Variants in ZNF354A observed in about 807,000 individuals in gnomAD.
ZNF354A encodes zinc finger protein 354A, also known as epididymis luminal protein 104.
ZNF354A carries 25 observed loss-of-function variants against 53.3 expected under a neutral mutation model. The observed-to-expected ratio is 0.47, with a 90% CI of 0.34 to 0.66. ZNF354A has a LOEUF of 0.66. ZNF354A is among the 30% of genes least tolerant of loss of function. The probability of loss-of-function intolerance (pLI) is 0.01; values close to 1 mark genes in which losing one functional copy is unlikely to be tolerated. For synonymous variants in ZNF354A, 228 were observed against 249.0 expected (o/e 0.92, Z 0.79); for missense variants, 586 against 716.8 (o/e 0.82, Z 2.08).
chr5:178,718,630 T>A (rs1037165092), intron 4 of ZNF354A, among the ~76,000 whole-genome samples: 1 of 152,234 alleles, frequency 6.6e-6, no homozygotes, highest in Non-Finnish European at 1.5e-5. Flanking sequence ...CTTTTTTATA[T>A]GTTTTCCAGT....
rs914055485 is a variant in ZNF354A at position 178,712,841 on chromosome 5, C to A, written c.1037G>T (p.Arg346Ile). 7 of 1,614,022 alleles carry A rather than the reference C, an allele frequency of 4.3e-6. No individual in the cohort carries two copies. The Admixed American group carries it at 5.0e-5, about 12-fold the overall frequency. ...SCSTSLSGCQ[R>I]IHSRKKSYLC... ...GTAGGACTTCTTTCTAGAATGAATTCTTTGACATCCAGAAAGGGATGTGCT... is the reference window on the plus strand; with the variant it reads ...GTAGGACTTCTTTCTAGAATGAATTATTTGACATCCAGAAAGGGATGTGCT... The change falls in exon 5 of 5, where the codon AGA (arginine) becomes ATA (isoleucine). Residue 346 changes from arginine to isoleucine, a missense_variant. Coordinates refer to ENST00000335815, the MANE Select transcript of ZNF354A (RefSeq NM_005649.3).
chr5:178,729,872 G>GCTTCTTTTTTTTTTTTT lies in ZNF354A; in HGVS notation c.-52+683_-52+684insAAAAAAAAAAAAAGAAG, dbSNP rs746292908. On this transcript the variant is annotated intron_variant, in intron 1 of 4. Coordinates refer to ENST00000335815, the MANE Select transcript of ZNF354A (RefSeq NM_005649.3). ...CCATGTATCCCATTTCTAACACGAT[G>GCTTCTTTTTTTTTTTTT]TTTCTTTTTTGAGACGGAGTCTCGC... Among the ~76,000 whole-genome samples, 34 of 143,404 alleles carry GCTTCTTTTTTTTTTTTT rather than the reference G, an allele frequency of 2.4e-4. 3 individuals carry two copies. Among genetic ancestry groups the GCTTCTTTTTTTTTTTTT allele is most frequent in the East Asian group, 4.2e-4 (2 of 4,760 alleles). 94.1% of individuals were successfully genotyped at this position (143,404 alleles called of 152,430 possible). A position where few individuals can be genotyped will look rare whatever the true frequency, so the allele number is the denominator to read the frequency against.
Position 178,712,396 on chromosome 5 carries a change from A to G in ZNF354A, c.1482T>C (p.Tyr494=), listed in dbSNP as rs1561614815. The change falls in exon 5 of 5, where the codon TAT becomes TAC. Residue 494 remains tyrosine, a synonymous_variant. Coordinates refer to ENST00000335815, the MANE Select transcript of ZNF354A (RefSeq NM_005649.3). ...ATGTTTTCCCACACTCGTTACATTT[A>G]TAGGGTCTTTCTCCAGTATGCATTC... ...HQRMHTGERP[Y]KCNECGKTFR... 2.5e-6 allele frequency: 4 copies of G among 1,613,800 alleles called. No homozygotes were observed. The East Asian group carries it at 6.7e-5, about 27-fold the overall frequency.
At chr5:178,723,361 C>T (rs957005213) in intron 4 of ZNF354A, among the ~76,000 whole-genome samples, 1 of 152,168 alleles carries the variant, frequency 6.6e-6, no homozygotes, top group Non-Finnish European at 1.5e-5. Flanking sequence ...CAGAAAGCAG[C>T]CTAGGCCTGC....
chr5:178,724,585 A>G (rs1237235384), intron 4 of ZNF354A, among the ~76,000 whole-genome samples: 1 of 152,204 alleles, frequency 6.6e-6, no homozygotes, highest in Non-Finnish European at 1.5e-5. Flanking sequence ...TTCAAATCAC[A>G]TAAGAACGTC....
intron 2 of ZNF354A, among the ~76,000 whole-genome samples, chr5:178,728,636 A>T (rs1429887022): frequency 6.8e-6 from 1 of 147,590 alleles, no homozygotes; most frequent in East Asian, 2.0e-4. Flanking sequence ...ATAAAAGCAC[A>T]AAAAAAAAAA....
chr5:178,712,307 C>T lies in ZNF354A; in HGVS notation c.1571G>A (p.Cys524Tyr). ...RIHTGEKPYR[C>Y]EECGISFGQS... ...GCCAAAAGATATCCCACATTCCTCA[C>T]ATCGATATGGTTTCTCTCCAGTATG... The change falls in exon 5 of 5, where the codon TGT (cysteine) becomes TAT (tyrosine). Residue 524 changes from cysteine to tyrosine, a missense_variant. Physicochemically the swap from Cys to Tyr is radical, Grantham distance 194 (BLOSUM62 -2). Coordinates refer to ENST00000335815, the MANE Select transcript of ZNF354A (RefSeq NM_005649.3). 6.2e-7 allele frequency: 1 copy of T among 1,614,168 alleles called. No individual in the cohort carries two copies. Among genetic ancestry groups the T allele is most frequent in the South Asian group, 1.1e-5 (1 of 91,080 alleles).
At chr5:178,723,820 C>T (rs984910427) in intron 4 of ZNF354A, among the ~76,000 whole-genome samples, 13 of 151,940 alleles carry the variant, frequency 8.6e-5, no homozygotes, top group African/African-American at 2.9e-4. Context: ...ACTCTCAGTC[C>T]CCCACTGCCA....
chr5:178,720,615 C>T (rs1482312501), intron 4 of ZNF354A, among the ~76,000 whole-genome samples: 1 of 152,258 alleles, frequency 6.6e-6, no homozygotes, highest in East Asian at 1.9e-4. Context: ...CGGGGCCCTG[C>T]GAATATCTTG....
At chr5:178,720,780 T>C (rs988762622) in intron 4 of ZNF354A, among the ~76,000 whole-genome samples, 3 of 152,220 alleles carry the variant, frequency 2.0e-5, no homozygotes, top group Non-Finnish European at 4.4e-5. Context: ...CAAAATCATT[T>C]CATCTGTAAA....
At chr5:178,718,401 T>C (rs1475748967) in intron 4 of ZNF354A, among the ~76,000 whole-genome samples, 1 of 152,236 alleles carries the variant, frequency 6.6e-6, no homozygotes, top group Non-Finnish European at 1.5e-5. Flanking sequence ...TTATCAGGTC[T>C]AGACTCTTCC....
intron 2 of ZNF354A, among the ~76,000 whole-genome samples, chr5:178,728,782 C>CAGAAAAAAAAAAAAAA (rs1765964279): frequency 3.9e-5 from 2 of 50,882 alleles, no homozygotes; most frequent in Non-Finnish European, 6.7e-5. Flanking sequence ...AAGCGAGATT[C>CAGAAAAAAAAAAAAAA]AAAAAAAAAA....
chr5:178,717,885 C>G (rs573211278), intron 4 of ZNF354A, among the ~76,000 whole-genome samples: 1 of 151,964 alleles, frequency 6.6e-6, no homozygotes, highest in African/African-American at 2.4e-5. Context: ...TGTGGCAAGA[C>G]GGAGGTTGTT....
At position 178,727,017 on chromosome 5, in the gene ZNF354A, T is replaced by C. The variant is rs146060491; in HGVS notation, c.142A>G (p.Arg48Gly). 33 of 1,613,082 alleles carry C rather than the reference T, an allele frequency of 2.0e-5. No homozygotes were observed. Among genetic ancestry groups the C allele is most frequent in the African/African-American group, 2.7e-5 (2 of 74,890 alleles). ...LYRDVMLENY[R>G]NLVSLGLPFT... ...TCCTTACCCAGTGAGACCAGGTTCCTATAGTTCTCCAGCATCACATCCCGG... is the reference window on the plus strand; with the variant it reads ...TCCTTACCCAGTGAGACCAGGTTCCCATAGTTCTCCAGCATCACATCCCGG... Residue 48 changes from arginine to glycine, a missense_variant, in exon 3 of 5, where the codon AGG becomes GGG. Physicochemically the swap from Arg to Gly is moderately radical, Grantham distance 125 (BLOSUM62 -2). This residue lies in a region of ZNF354A where 573 missense variants were observed against 680.1 expected (regional missense o/e 0.84). Coordinates refer to ENST00000335815, the MANE Select transcript of ZNF354A (RefSeq NM_005649.3).
Position 178,712,663 on chromosome 5 carries a change from G to C in ZNF354A, c.1215C>G (p.Thr405=). 3 of 1,613,646 alleles carry C rather than the reference G, an allele frequency of 1.9e-6. No individual in the cohort carries two copies. The highest frequency in any genetic ancestry group is 1.7e-4 in the Middle Eastern group (1 of 6,060). ...CATTGCATCTATAGGGCTTTTCTCC[G>C]GTGTGAATTCTTTCATGTTGAATAA... The part of the protein sequence containing the change: ...ASLIQHERIH[T]GEKPYRCNEC... Residue 405 remains threonine (T), a synonymous_variant, in exon 5 of 5, where the codon ACC becomes ACG. Transcript: ENST00000335815.
At chr5:178,727,592 T>A (rs1048115404) in intron 2 of ZNF354A, among the ~76,000 whole-genome samples, 1 of 152,222 alleles carries the variant, frequency 6.6e-6, no homozygotes, top group African/African-American at 2.4e-5. Context: ...CTCTATGTGC[T>A]TACTCAAGCT....
chr5:178,726,678 GA>G (rs59069569), intron 3 of ZNF354A, among the ~76,000 whole-genome samples: 36,484 of 151,950 alleles, frequency 0.24, 5,089 homozygotes, highest in South Asian at 0.35. Context: ...CCTAGAGGCT[GA>G]ATGAAGCTCC....
Position 178,711,899 on chromosome 5 carries a change from A to T in ZNF354A, c.*161T>A. The stretch of plus-strand genomic sequence containing the variant: ...TCTGACAGGCACAAACACTTTCCTC[A>T]TATCTATTATATAGCTGAGGTTTAT... On this transcript the variant is annotated 3_prime_UTR_variant, in exon 5 of 5. Coordinates refer to ENST00000335815, the MANE Select transcript of ZNF354A (RefSeq NM_005649.3). 1 of 776,186 alleles carries T rather than the reference A, an allele frequency of 1.3e-6. No individual in the cohort carries two copies. Among genetic ancestry groups the T allele is most frequent in the Non-Finnish European group, 1.9e-6 (1 of 531,426 alleles). 48.1% of individuals were successfully genotyped at this position (776,186 alleles called of 1,614,324 possible). A position where few individuals can be genotyped will look rare whatever the true frequency, so the allele number is the denominator to read the frequency against.
intron 4 of ZNF354A, among the ~76,000 whole-genome samples, chr5:178,718,472 A>G (rs954041023): frequency 6.6e-6 from 1 of 152,170 alleles, no homozygotes; most frequent in South Asian, 2.1e-4. Flanking sequence ...GGATGATTTC[A>G]TTTACTCCCA....
Sources: allele counts gnomAD v4.1 joint callset (sites outside exome capture counted in the v4.1 genomes callset), GRCh38; gene constraint gnomAD v4.1.1; regional missense constraint gnomAD v4.1.1; transcripts MANE v1.5; gene names NCBI Gene and HGNC (gene_info 2026-07-23, HGNC 2026-07-21).